Variants in MROH1 observed in about 807,000 individuals in gnomAD.
The protein encoded by MROH1 is maestro heat like repeat family member 1, also known as maestro heat-like repeat-containing protein family member 1.
MROH1 carries 117 observed loss-of-function variants against 116.5 expected under a neutral mutation model. The ratio of observed to expected loss-of-function variants is 1.00; its 90% CI spans 0.86 to 1.17. The LOEUF is 1.17. Ranked by LOEUF, MROH1 falls within the 50% of genes most tolerant of loss-of-function variation. MROH1 has a pLI of 0.00. For synonymous variants in MROH1, 921 were observed against 583.9 expected (o/e 1.58, Z -8.32); for missense variants, 1,873 against 1,338.5 (o/e 1.40, Z -6.23).
intron 39 of MROH1, 32 bp from the exon 40 acceptor site, chr8:144,260,645 G>A (rs990578026): frequency 1.4e-4 from 108 of 775,416 alleles, no homozygotes; most frequent in Non-Finnish European, 3.1e-5. Context: ...GGCACAGCCT[G>A]TGAGGAGACG....
chr8:144,234,497 C>G (rs1189749453), intron 14 of MROH1, among the ~76,000 whole-genome samples: 4 of 20,650 alleles, frequency 1.9e-4, no homozygotes, highest in Non-Finnish European at 3.3e-4. Flanking sequence ...CTTTCTTTTT[C>G]GTTTTTTTTT....
intron 37 of MROH1, 35 bp downstream of exon 37, chr8:144,259,389 G>A (rs1378751842): frequency 1.4e-6 from 1 of 714,392 alleles, no homozygotes; most frequent in Non-Finnish European, 2.6e-6. Context: ...TGGGCACCAA[G>A]GTGGGGCTCC....
chr8:144,176,919 C>T (rs927079764), intron 4 of MROH1, among the ~76,000 whole-genome samples: 22 of 152,038 alleles, frequency 1.4e-4, no homozygotes, highest in African/African-American at 4.8e-4. Context: ...CATGTGTAGC[C>T]GGTGGGTGGA....
intron 2 of MROH1, among the ~76,000 whole-genome samples, chr8:144,162,421 C>T (rs1278722381): frequency 2.7e-5 from 4 of 145,988 alleles, no homozygotes; most frequent in East Asian, 4.1e-4. Flanking sequence ...AGACAGGGCT[C>T]GCTCTGTTGC....
At chr8:144,192,433 G>A (rs565510915) in intron 10 of MROH1, 32 bp downstream of exon 10, 3 of 1,533,984 alleles carry the variant, frequency 2.0e-6, no homozygotes, top group Non-Finnish European at 2.6e-6. Flanking sequence ...GCGGGTCCAG[G>A]TTCTGCACAC....
chr8:144,240,833 C>T (rs1021500475), intron 20 of MROH1, among the ~76,000 whole-genome samples, 156 bp downstream of exon 20: 8 of 152,212 alleles, frequency 5.3e-5, no homozygotes, highest in East Asian at 1.9e-4. Flanking sequence ...GAGAGCCCAC[C>T]GGCCCCACCG....
intron 7 of MROH1, among the ~76,000 whole-genome samples, chr8:144,183,894 G>A (rs548918478): frequency 2.0e-5 from 3 of 152,076 alleles, no homozygotes; most frequent in South Asian, 2.1e-4. Context: ...TGATCCGCCC[G>A]CCTCGGCCTC....
intron 17 of MROH1, 87 bp from the exon 18 acceptor site, chr8:144,239,527 G>A (rs1034129303): frequency 4.1e-5 from 31 of 756,992 alleles, no homozygotes; most frequent in South Asian, 2.5e-4. Context: ...CAGGCTCCCC[G>A]TCGGGTGATG....
Position 144,208,585 on chromosome 8 carries a change from A to G in MROH1, c.1141+8044A>G, listed in dbSNP as rs1042876224. Among the ~76,000 whole-genome samples, 6 of 152,142 alleles carry G rather than the reference A, an allele frequency of 3.9e-5. No individual in the cohort carries two copies. In the South Asian group the frequency reaches 1.0e-3, roughly 26 times the overall value. The stretch of plus-strand genomic sequence containing the variant: ...ATTAATTCTGCAGTAACTATTTCCA[A>G]ATAAGGTCACATTCCGAGGTACAGG... On this transcript the variant is annotated intron_variant, in intron 12 of 43. Coordinates refer to ENST00000326134, the MANE Select transcript of MROH1 (RefSeq NM_032450.3).
rs930670384 is a variant in MROH1, at chr8:144,257,751, T to C, written c.3792-1026T>C. 1.2e-4 allele frequency among the ~76,000 whole-genome samples: 18 copies of C among 152,340 alleles called. No homozygotes were observed. In the East Asian group the frequency reaches 3.5e-3, roughly 29 times the overall value. Reference sequence around the variant, plus strand: ...ACCTGGCAGGAGGTGACCAGGGCAGTGGCACTGTCACCACCACCAGCGGTC... The same window carrying C: ...ACCTGGCAGGAGGTGACCAGGGCAGCGGCACTGTCACCACCACCAGCGGTC... On this transcript the variant is annotated intron_variant, in intron 35 of 43. Coordinates refer to ENST00000326134, the MANE Select transcript of MROH1 (RefSeq NM_032450.3).
At chr8:144,170,610 A>G (rs1822194148) in intron 4 of MROH1, among the ~76,000 whole-genome samples, 1 of 152,260 alleles carries the variant, frequency 6.6e-6, no homozygotes, top group Admixed American at 6.5e-5. Flanking sequence ...ATGTGGAACA[A>G]TAGGGAAAAG....
intron 33 of MROH1, 55 bp downstream of exon 33, chr8:144,250,421 G>C: frequency 2.8e-6 from 2 of 720,932 alleles, no homozygotes; most frequent in Non-Finnish European, 5.1e-6. Context: ...GCTCCCCCTG[G>C]AATGATGCTC....
intron 3 of MROH1, among the ~76,000 whole-genome samples, chr8:144,166,232 G>A (rs1036676860): frequency 6.6e-6 from 1 of 152,196 alleles, no homozygotes; most frequent in Admixed American, 6.5e-5. Context: ...GCAGCCCAAA[G>A]GCCCCACTCT....
chr8:144,229,158 T>G (rs1402508408), intron 14 of MROH1, among the ~76,000 whole-genome samples: 2 of 152,200 alleles, frequency 1.3e-5, no homozygotes, highest in Non-Finnish European at 2.9e-5. Context: ...AGTGACTTCC[T>G]CCACTGATGT....
At chr8:144,245,326 G>A in intron 29 of MROH1, 66 bp downstream of exon 29, 1 of 762,404 alleles carries the variant, frequency 1.3e-6, no homozygotes, top group South Asian at 1.4e-5. Flanking sequence ...AGTGTGAGCT[G>A]CCTTCCTGGC....
intron 20 of MROH1, 68 bp from the exon 21 acceptor site, chr8:144,240,924 C>A: frequency 1.4e-6 from 1 of 715,150 alleles, no homozygotes; most frequent in East Asian, 2.7e-5. Flanking sequence ...AGGGGCAGCC[C>A]CATGGCAGCG....
chr8:144,161,694 C>T (rs191657091), intron 2 of MROH1, among the ~76,000 whole-genome samples: 118 of 152,332 alleles, frequency 7.7e-4, no homozygotes, highest in African/African-American at 2.6e-3. Flanking sequence ...AAGTCCAAGT[C>T]CATGTGCCCA....
chr8:144,151,455 A>C (rs1816771674), intron 1 of MROH1, among the ~76,000 whole-genome samples: 1 of 152,136 alleles, frequency 6.6e-6, no homozygotes, highest in Non-Finnish European at 1.5e-5. Context: ...TGGCCAGGGC[A>C]GTCGGAGGAG....
In MROH1 at chr8:144,189,162, T is replaced by C. The variant is rs536356149; in HGVS notation, c.563-1622T>C. Among the ~76,000 whole-genome samples, 32 of 152,096 alleles carry C rather than the reference T, an allele frequency of 2.1e-4. No individual in the cohort carries two copies. The South Asian group carries it at 6.6e-3, about 32-fold the overall frequency. ...CACTTGGCAGCCACTCTGGAGAGAG[T>C]GGGCCCATCAGAAGAACTCAAGATT... On this transcript the variant is annotated intron_variant, in intron 7 of 43. Transcript: ENST00000326134.
Sources: gnomAD v4.1 joint callset for allele counts (sites outside exome capture counted in the v4.1 genomes callset) on GRCh38, gnomAD v4.1.1 for gene constraint, MANE v1.5 for transcripts, NCBI Gene and HGNC (gene_info 2026-07-23, HGNC 2026-07-21) for gene names.